GPC6: variants seen among roughly 807,000 people sequenced by gnomAD.
The protein encoded by GPC6 is glypican-6.
In GPC6, 14 loss-of-function variants were observed where a neutral mutation model predicts 55.2. The observed-to-expected ratio is 0.25, with a 90% CI of 0.17 to 0.40. The LOEUF (loss-of-function observed/expected upper bound fraction) is 0.40, where lower values mean the gene tolerates loss of function less well. GPC6 is among the 10% of genes least tolerant of loss of function. GPC6 has a pLI of 1.00. For synonymous variants in GPC6, 278 were observed against 259.6 expected (o/e 1.07, Z -0.68); for missense variants, 641 against 708.5 (o/e 0.90, Z 1.08).
At chr13:93,470,967 G>C (rs1879089976) in intron 1 of GPC6, among the ~76,000 whole-genome samples, 1 of 151,442 alleles carries the variant, frequency 6.6e-6, no homozygotes, top group Non-Finnish European at 1.5e-5. Flanking sequence ...ATGTCTGTAG[G>C]GTCTATAATA....
intron 4 of GPC6, among the ~76,000 whole-genome samples, chr13:94,224,390 C>G (rs1303443948): frequency 6.6e-6 from 1 of 151,776 alleles, no homozygotes; most frequent in African/African-American, 2.4e-5. Context: ...GGCCAAGACA[C>G]TTTTGTAACT....
At chr13:93,587,554 A>C (rs958729149) in intron 2 of GPC6, among the ~76,000 whole-genome samples, 1 of 152,190 alleles carries the variant, frequency 6.6e-6, no homozygotes, top group Admixed American at 6.5e-5. Context: ...ACCAGGTGTC[A>C]CAGACCTGTC....
chr13:93,999,469 G>A (rs1881703622), intron 3 of GPC6, among the ~76,000 whole-genome samples: 1 of 152,136 alleles, frequency 6.6e-6, no homozygotes, highest in South Asian at 2.1e-4. Flanking sequence ...TCGCTAGTGT[G>A]AATAGTGCCA....
At chr13:93,956,492 T>A (rs1286466140) in intron 3 of GPC6, among the ~76,000 whole-genome samples, 1 of 152,210 alleles carries the variant, frequency 6.6e-6, no homozygotes, top group Admixed American at 6.5e-5. Flanking sequence ...CTTGTTTCCC[T>A]GGGCCAAAAG....
intron 3 of GPC6, among the ~76,000 whole-genome samples, chr13:93,996,598 A>C (rs1881567169): frequency 6.6e-6 from 1 of 152,056 alleles, no homozygotes; most frequent in Non-Finnish European, 1.5e-5. Context: ...AAAAAAGCAA[A>C]CTGCTCTGCT....
At position 93,930,277 on chromosome 13, in the gene GPC6, T is replaced by TTTTTTTTTTG. The variant is rs1242094994; in HGVS notation, c.712-97443_712-97442insGTTTTTTTTT. ...TTAAAGGTTATTGGAAACGAAAGGT[T>TTTTTTTTTTG]TTTTTTTTTTTGTAGACAGAGTCTC... On this transcript the variant is annotated intron_variant, in intron 3 of 8. Coordinates refer to ENST00000377047, the MANE Select transcript of GPC6 (RefSeq NM_005708.5). Among the ~76,000 whole-genome samples, 8 of 142,354 alleles carry TTTTTTTTTTG rather than the reference T, an allele frequency of 5.6e-5. 1 individual carries two copies. Among genetic ancestry groups the TTTTTTTTTTG allele is most frequent in the Non-Finnish European group, 1.2e-4 (8 of 65,560 alleles). The allele number at this position is 142,354 out of a possible 152,430, so 93.4% of individuals were successfully genotyped here.
At chr13:94,085,212 C>T (rs945236091) in intron 4 of GPC6, among the ~76,000 whole-genome samples, 4 of 149,614 alleles carry the variant, frequency 2.7e-5, no homozygotes, top group Non-Finnish European at 5.9e-5. Context: ...ATCCCAGCTA[C>T]TCAGGAGGCT....
At chr13:93,608,491 T>C (rs998721527) in intron 2 of GPC6, among the ~76,000 whole-genome samples, 1 of 152,252 alleles carries the variant, frequency 6.6e-6, no homozygotes, top group Non-Finnish European at 1.5e-5. Context: ...GCAATGTGTT[T>C]CTTACATTCC....
intron 2 of GPC6, among the ~76,000 whole-genome samples, chr13:93,811,382 T>G (rs139765272): frequency 5.1e-4 from 78 of 152,320 alleles, no homozygotes; most frequent in Middle Eastern, 6.8e-3. Flanking sequence ...ATCCACTGGT[T>G]ACAGCCCAGT....
intron 3 of GPC6, among the ~76,000 whole-genome samples, chr13:93,997,694 T>C (rs1034555352): frequency 2.0e-5 from 3 of 152,282 alleles, no homozygotes; most frequent in Admixed American, 6.5e-5. Context: ...CTTTGCTTTT[T>C]AGCAATATAG....
In GPC6 at chr13:93,545,373, A is replaced by G. The variant is rs772060472; in HGVS notation, c.271A>G (p.Ser91Gly). The change falls in exon 2 of 9, where the codon AGC becomes GGC. Residue 91 changes from serine (S) to glycine (G), a missense_variant. By Grantham distance (56) the Ser-to-Gly change is moderately conservative. Coordinates refer to ENST00000377047, the MANE Select transcript of GPC6 (RefSeq NM_005708.5). ...LEFENLVEET[S>G]HFVRTTFVSR... ...ATTTGAAAACCTTGTGGAAGAGACA[A>G]GCCATTTTGTGCGCACCACTTTTGT... 7.4e-6 allele frequency: 12 copies of G among 1,613,856 alleles called. No individual in the cohort carries two copies. In the Admixed American group the frequency reaches 1.5e-4, roughly 20 times the overall value.
intron 4 of GPC6, among the ~76,000 whole-genome samples, chr13:94,260,746 A>G (rs973237448): frequency 3.3e-5 from 5 of 152,146 alleles, no homozygotes; most frequent in South Asian, 2.1e-4. Context: ...GTTGCCAGCA[A>G]TCTAAATGAT....
intron 3 of GPC6, among the ~76,000 whole-genome samples, chr13:93,973,518 C>A (rs1880381740): frequency 6.6e-6 from 1 of 151,456 alleles, no homozygotes; most frequent in Admixed American, 6.6e-5. Context: ...AAGGCATGAT[C>A]TCTTATCTAA....
At position 93,286,179 on chromosome 13, in the gene GPC6, C is replaced by T. The variant is rs185759182; in HGVS notation, c.160+58563C>T. On this transcript the variant is annotated intron_variant, in intron 1 of 8. Transcript: ENST00000377047. Reference sequence around the variant, plus strand: ...TGGCAGAAGGCACCTTTTCATGGGGCGGCAGGAGAGAGAATGAGTGCCCAG... The same window carrying T: ...TGGCAGAAGGCACCTTTTCATGGGGTGGCAGGAGAGAGAATGAGTGCCCAG... 3.3e-5 allele frequency among the ~76,000 whole-genome samples: 5 copies of T among 152,152 alleles called. No individual in the cohort carries two copies. The East Asian group carries it at 5.8e-4, about 18-fold the overall frequency.
rs375385986 is a variant in GPC6, at chr13:93,952,169, T to TA, written c.712-75559dup. Among the ~76,000 whole-genome samples the TA allele has an allele frequency of 3.8e-3, 585 of 152,246 alleles. 9 individuals carry two copies. Among genetic ancestry groups the TA allele is most frequent in the African/African-American group, 0.014 (566 of 41,554 alleles). On this transcript the variant is annotated intron_variant, in intron 3 of 8. Coordinates refer to ENST00000377047, the MANE Select transcript of GPC6 (RefSeq NM_005708.5). ...CAGGAAACATCTGGAGGAAGGAAGT[T>TA]AGAGAAGAAAATTTGGCAATCAAAC...
chr13:94,034,563 T>TA (rs1399391478), intron 4 of GPC6, among the ~76,000 whole-genome samples: 3 of 152,084 alleles, frequency 2.0e-5, no homozygotes, highest in African/African-American at 7.2e-5. Context: ...GGAGGCAACA[T>TA]ACATCAGACC....
At chr13:93,996,269 C>T (rs993462319) in intron 3 of GPC6, among the ~76,000 whole-genome samples, 19 of 152,152 alleles carry the variant, frequency 1.2e-4, no homozygotes, top group Admixed American at 9.8e-4. Context: ...ACAGAAAACA[C>T]GCTAAGGCTG....
chr13:93,695,690 G>A (rs1223906497), intron 2 of GPC6, among the ~76,000 whole-genome samples: 4 of 151,956 alleles, frequency 2.6e-5, no homozygotes, highest in South Asian at 2.1e-4. Flanking sequence ...GATGAAAAAT[G>A]GATATTTAAA....
At chr13:93,318,738 G>C (rs1240522103) in intron 1 of GPC6, among the ~76,000 whole-genome samples, 1 of 152,130 alleles carries the variant, frequency 6.6e-6, no homozygotes, top group African/African-American at 2.4e-5. Context: ...GGAGAGGACA[G>C]CAATTGGCAA....
Sources: gnomAD v4.1 joint callset for allele counts (sites outside exome capture counted in the v4.1 genomes callset) on GRCh38, gnomAD v4.1.1 for gene constraint, MANE v1.5 for transcripts, NCBI Gene and HGNC (gene_info 2026-07-23, HGNC 2026-07-21) for gene names.